The following SGCD variants were observed in gnomAD, a reference collection of about 807,000 sequenced individuals.
SGCD encodes delta-sarcoglycan.
In SGCD, 18 loss-of-function variants were observed where a neutral mutation model predicts 36.6. The observed-to-expected ratio is 0.49, with a 90% CI of 0.34 to 0.73. SGCD has a LOEUF of 0.73. Among genes scored for constraint, SGCD ranks in the 30% least tolerant of loss-of-function variants. The probability of loss-of-function intolerance (pLI) is 0.01; values close to 1 mark genes in which losing one functional copy is unlikely to be tolerated. For synonymous variants in SGCD, 133 were observed against 130.6 expected (o/e 1.02, Z -0.12); for missense variants, 387 against 346.7 (o/e 1.12, Z -0.92).
At chr5:156,204,581 T>C (rs1764228425) in intron 3 of SGCD, among the ~76,000 whole-genome samples, 1 of 152,040 alleles carries the variant, frequency 6.6e-6, no homozygotes, top group African/African-American at 2.4e-5. Flanking sequence ...GGCATATACG[T>C]GTCAGCGTAT....
At chr5:156,217,666 A>T (rs528545537) in intron 3 of SGCD, among the ~76,000 whole-genome samples, 1 of 152,340 alleles carries the variant, frequency 6.6e-6, no homozygotes, top group African/African-American at 2.4e-5. Flanking sequence ...TTTGAACTCT[A>T]CAACAATTTT....
At chr5:155,737,355 A>G in the SGCD span, among the ~76,000 whole-genome samples, 1 of 152,212 alleles carries the variant, frequency 6.6e-6, no homozygotes, top group African/African-American at 2.4e-5. Context: ...ATTCTGCTTT[A>G]TCCTATTATT....
At chr5:156,144,620 G>A (rs193101011) in intron 3 of SGCD, among the ~76,000 whole-genome samples, 12 of 152,248 alleles carry the variant, frequency 7.9e-5, no homozygotes, top group Non-Finnish European at 1.3e-4. Flanking sequence ...TGTGTTCATC[G>A]TGGATTCTGG....
At chr5:155,791,165 T>C in the SGCD span, among the ~76,000 whole-genome samples, 2 of 152,120 alleles carry the variant, frequency 1.3e-5, no homozygotes, top group Non-Finnish European at 1.5e-5. Flanking sequence ...CCCTACTTTT[T>C]TCCTGGGAAT....
At chr5:156,669,871 A>C (rs1284633501) in intron 7 of SGCD, among the ~76,000 whole-genome samples, 2 of 152,096 alleles carry the variant, frequency 1.3e-5, no homozygotes, top group Non-Finnish European at 2.9e-5. Context: ...GATTTTTTTT[A>C]ATCTTTTAAA....
intron 1 of SGCD, among the ~76,000 whole-genome samples, chr5:155,907,682 GAATA>G (rs967747642): frequency 4.6e-5 from 7 of 152,122 alleles, no homozygotes; most frequent in Non-Finnish European, 8.8e-5. Flanking sequence ...GCTAAAACTT[GAATA>G]GATAAGCAGC....
At chr5:155,860,771 T>C in the SGCD span, among the ~76,000 whole-genome samples, 17 of 152,332 alleles carry the variant, frequency 1.1e-4, no homozygotes, top group African/African-American at 4.1e-4. Context: ...ATTTTCAACA[T>C]TTCTGCATTA....
At chr5:156,599,976 C>G (rs1420783670) in intron 6 of SGCD, among the ~76,000 whole-genome samples, 1 of 152,096 alleles carries the variant, frequency 6.6e-6, no homozygotes, top group African/African-American at 2.4e-5. Flanking sequence ...GTTAATAGTA[C>G]AGTGTGTGGA....
the SGCD span, among the ~76,000 whole-genome samples, chr5:155,793,337 T>G: frequency 3.3e-5 from 5 of 152,140 alleles, no homozygotes; most frequent in African/African-American, 9.6e-5. Flanking sequence ...ACTCCAAACC[T>G]CAGCATTATG....
intron 6 of SGCD, among the ~76,000 whole-genome samples, chr5:156,602,686 G>A (rs1324429321): frequency 6.6e-6 from 1 of 152,120 alleles, no homozygotes; most frequent in Non-Finnish European, 1.5e-5. Flanking sequence ...TCTTCTGAAT[G>A]TATTAAAATG....
At chr5:155,902,050 A>G (rs898480997) in intron 1 of SGCD, among the ~76,000 whole-genome samples, 4 of 152,196 alleles carry the variant, frequency 2.6e-5, no homozygotes, top group African/African-American at 9.6e-5. Context: ...CCAACTTGAA[A>G]TTGTAGGCTC....
intron 2 of SGCD, among the ~76,000 whole-genome samples, chr5:156,343,272 T>C (rs1170373300): frequency 6.6e-6 from 1 of 152,188 alleles, no homozygotes; most frequent in Non-Finnish European, 1.5e-5. Context: ...GTAGGTCTTA[T>C]TTGTAGGGAA....
intron 3 of SGCD, among the ~76,000 whole-genome samples, chr5:156,131,149 C>A (rs1302230751): frequency 6.6e-6 from 1 of 152,184 alleles, no homozygotes; most frequent in Non-Finnish European, 1.5e-5. Context: ...CAGGGTGAAC[C>A]TTCTAGATCA....
chr5:155,951,119 A>G (rs1054643013), intron 1 of SGCD, among the ~76,000 whole-genome samples: 2 of 152,194 alleles, frequency 1.3e-5, no homozygotes, highest in Non-Finnish European at 2.9e-5. Context: ...CGGATTTCAC[A>G]TTTTAGCATG....
chr5:156,316,783 A>G (rs1767528398), intron 3 of SGCD, among the ~76,000 whole-genome samples: 1 of 152,032 alleles, frequency 6.6e-6, no homozygotes, highest in African/African-American at 2.4e-5. Context: ...TAAGAGTGAA[A>G]CCTACACTGT....
intron 3 of SGCD, among the ~76,000 whole-genome samples, chr5:156,347,076 C>A (rs1030568307): frequency 6.6e-6 from 1 of 152,136 alleles, no homozygotes; most frequent in Admixed American, 6.5e-5. Context: ...GGATTACAGG[C>A]GTGAGCCACC....
At chr5:156,023,413 C>G (rs543303442) in intron 1 of SGCD, among the ~76,000 whole-genome samples, 1 of 152,308 alleles carries the variant, frequency 6.6e-6, no homozygotes, top group African/African-American at 2.4e-5. Context: ...AGAGTATGGG[C>G]TCTGAGAGTT....
intron 3 of SGCD, among the ~76,000 whole-genome samples, chr5:156,437,052 G>T (rs1753275682): frequency 1.3e-5 from 2 of 151,922 alleles, no homozygotes; most frequent in South Asian, 4.2e-4. Flanking sequence ...TCTCACAGTT[G>T]TTGCTACGTT....
chr5:155,899,240 T>A (rs1327299733), intron 1 of SGCD, among the ~76,000 whole-genome samples: 8 of 152,206 alleles, frequency 5.3e-5, no homozygotes, highest in Admixed American at 5.2e-4. Flanking sequence ...GTGGAAGTCA[T>A]ATGAAAGAGG....
Sources: allele counts gnomAD v4.1 joint callset (sites outside exome capture counted in the v4.1 genomes callset), GRCh38; gene constraint gnomAD v4.1.1; transcripts MANE v1.5; gene names NCBI Gene and HGNC (gene_info 2026-07-23, HGNC 2026-07-21).